Variants in NCAM2 observed in about 807,000 individuals in gnomAD.
The protein encoded by NCAM2 is neural cell adhesion molecule 2.
In NCAM2, 30 loss-of-function variants were observed where a neutral mutation model predicts 98.1. The ratio of observed to expected loss-of-function variants is 0.31; its 90% confidence interval spans 0.23 to 0.41. The LOEUF is 0.41. Ranked by LOEUF, NCAM2 falls within the 10% of genes least tolerant of loss-of-function variation. NCAM2 has a pLI of 1.00. For synonymous variants in NCAM2, 368 were observed against 342.4 expected (o/e 1.07, Z -0.83); for missense variants, 867 against 1,005.8 (o/e 0.86, Z 1.87).
chr21:21,537,695 G>T, intron 17 of NCAM2, 151 bp from the exon 18 acceptor site: 2 of 391,032 alleles, frequency 5.1e-6, no homozygotes, highest in Non-Finnish European at 9.3e-6. Context: ...ATTGTAGCAC[G>T]TTTTCTCTAT....
chr21:21,070,712 A>T (rs1318895703), intron 1 of NCAM2, among the ~76,000 whole-genome samples: 1 of 152,126 alleles, frequency 6.6e-6, no homozygotes, highest in African/African-American at 2.4e-5. Flanking sequence ...GGGTGAGCAG[A>T]ATGCATAAAT....
At position 21,468,783 on chromosome 21, in the gene NCAM2, T is replaced by C. The variant is rs201578279; in HGVS notation, c.1896T>C (p.Ser632=). The stretch of plus-strand genomic sequence containing the variant: ...TGGAATACATTGTGAAATATAGAAG[T>C]GTAAGTACCTTGTTTATTGTCATAT... ...PILEYIVKYR[S]KDKEDQWLEK... Residue 632 remains serine, a splice_region_variant and synonymous_variant, in exon 14 of 18, where the codon AGT becomes AGC. Transcript: ENST00000400546. 14 of 1,608,534 alleles carry C rather than the reference T, an allele frequency of 8.7e-6. No individual in the cohort carries two copies. The East Asian group carries it at 3.1e-4, about 36-fold the overall frequency.
intron 1 of NCAM2, among the ~76,000 whole-genome samples, chr21:21,271,364 G>A (rs548762043): frequency 6.6e-6 from 1 of 152,248 alleles, no homozygotes; most frequent in African/African-American, 2.4e-5. Flanking sequence ...AGACAAATGT[G>A]CCAATAAAAT....
Position 21,439,982 on chromosome 21 carries a change from C to G in NCAM2, c.1654+7701C>G, listed in dbSNP as rs138881485. 1.9e-3 allele frequency among the ~76,000 whole-genome samples: 283 copies of G among 152,250 alleles called. 2 individuals are homozygous for G. The highest frequency in any genetic ancestry group is 6.6e-3 in the African/African-American group (275 of 41,560). On this transcript the variant is annotated intron_variant, in intron 12 of 17. Coordinates refer to ENST00000400546, the MANE Select transcript of NCAM2 (RefSeq NM_004540.5). The stretch of plus-strand genomic sequence containing the variant: ...ATCTCTTAAAACAGAGGAACTGACT[C>G]ATGGAATATGTGTAACTCCTACTAG...
At chr21:21,170,949 T>TA (rs34740268) in intron 1 of NCAM2, among the ~76,000 whole-genome samples, 69,782 of 151,172 alleles carry the variant, frequency 0.46, 16,833 homozygotes, top group South Asian at 0.6. Flanking sequence ...TATTGATTGC[T>TA]AAAAAAAAAT....
intron 1 of NCAM2, among the ~76,000 whole-genome samples, chr21:21,075,831 G>C (rs1239908935): frequency 6.6e-6 from 1 of 152,022 alleles, no homozygotes; most frequent in Non-Finnish European, 1.5e-5. Context: ...TTAAGAATAT[G>C]ATTGGCCGGG....
chr21:21,072,508 T>A (rs1184327426), intron 1 of NCAM2, among the ~76,000 whole-genome samples: 1 of 152,176 alleles, frequency 6.6e-6, no homozygotes, highest in Non-Finnish European at 1.5e-5. Context: ...TCAGTGGCAT[T>A]GTATGACAAT....
intron 12 of NCAM2, among the ~76,000 whole-genome samples, chr21:21,435,855 G>A (rs1213065076): frequency 6.6e-6 from 1 of 152,142 alleles, no homozygotes; most frequent in Non-Finnish European, 1.5e-5. Context: ...TCATGTTTTG[G>A]GGAAAACCAA....
intron 12 of NCAM2, among the ~76,000 whole-genome samples, chr21:21,447,042 A>G (rs1980275597): frequency 6.6e-6 from 1 of 152,148 alleles, no homozygotes; most frequent in Non-Finnish European, 1.5e-5. Context: ...ACAGATTAGA[A>G]AAAAACTACT....
chr21:21,342,394 G>T (rs1000663250), intron 8 of NCAM2, among the ~76,000 whole-genome samples: 7 of 152,154 alleles, frequency 4.6e-5, no homozygotes, highest in Non-Finnish European at 1.0e-4. Flanking sequence ...TAGTTATGAG[G>T]AGGTTCAACT....
chr21:21,128,760 T>C (rs2066877894), intron 1 of NCAM2, among the ~76,000 whole-genome samples: 1 of 152,082 alleles, frequency 6.6e-6, no homozygotes, highest in Non-Finnish European at 1.5e-5. Context: ...TAAGAAATTA[T>C]TTGACGTCAG....
intron 16 of NCAM2, among the ~76,000 whole-genome samples, chr21:21,533,317 C>T (rs71321797): frequency 0.011 from 1,605 of 151,640 alleles, 15 homozygotes; most frequent in Non-Finnish European, 0.017. Context: ...CAACTACAGA[C>T]TTTATTATTG....
intron 1 of NCAM2, among the ~76,000 whole-genome samples, chr21:21,002,266 G>T (rs1003275097): frequency 5.3e-5 from 8 of 152,128 alleles, no homozygotes; most frequent in Non-Finnish European, 8.8e-5. Context: ...AGGGAAGTTG[G>T]TGGGTCCCGA....
chr21:21,366,827 G>A (rs1036010955), intron 8 of NCAM2, among the ~76,000 whole-genome samples: 1 of 151,984 alleles, frequency 6.6e-6, no homozygotes, highest in Non-Finnish European at 1.5e-5. Context: ...CACGTTTTAA[G>A]TATCACACTT....
intron 8 of NCAM2, among the ~76,000 whole-genome samples, chr21:21,350,420 G>C (rs1195998388): frequency 6.6e-6 from 1 of 151,940 alleles, no homozygotes; most frequent in Non-Finnish European, 1.5e-5. Context: ...CTACAATCCA[G>C]GACAGCTTCA....
chr21:21,282,054 G>GA (rs1236076965), intron 2 of NCAM2, among the ~76,000 whole-genome samples: 1 of 151,778 alleles, frequency 6.6e-6, no homozygotes, highest in African/African-American at 2.4e-5. Context: ...ATTGACAAAT[G>GA]AAAAAATCAG....
chr21:21,100,141 G>T (rs532220716), intron 1 of NCAM2, among the ~76,000 whole-genome samples: 1 of 151,906 alleles, frequency 6.6e-6, no homozygotes, highest in African/African-American at 2.4e-5. Flanking sequence ...CAAAATTCGT[G>T]GCAGAAACCA....
At chr21:21,158,028 G>A (rs183052460) in intron 1 of NCAM2, among the ~76,000 whole-genome samples, 31 of 152,238 alleles carry the variant, frequency 2.0e-4, no homozygotes, top group African/African-American at 6.5e-4. Flanking sequence ...CTTATTAGCC[G>A]TGTAATCTTC....
intron 15 of NCAM2, among the ~76,000 whole-genome samples, chr21:21,479,508 C>G (rs1414829756): frequency 7.1e-6 from 1 of 141,540 alleles, no homozygotes; most frequent in East Asian, 2.2e-4. Flanking sequence ...GGAGTGGACC[C>G]GGGAGGCGGA....
Sources: allele counts gnomAD v4.1 joint callset (sites outside exome capture counted in the v4.1 genomes callset), GRCh38; gene constraint gnomAD v4.1.1; transcripts MANE v1.5; gene names NCBI Gene and HGNC (gene_info 2026-07-23, HGNC 2026-07-21).